The following USP9X variants were observed in gnomAD, a reference collection of about 807,000 sequenced individuals.
The protein encoded by USP9X is ubiquitin carboxyl-terminal hydrolase 9X.
Under a neutral mutation model 190.3 loss-of-function variants are expected in USP9X, and 7 were observed. The observed-to-expected ratio is 0.04, with a 90% CI of 0.02 to 0.07. USP9X has a LOEUF of 0.07. USP9X is among the 10% of genes least tolerant of loss of function. The pLI is 1.00. For missense variants in USP9X, 1,010 were observed against 1,916.9 expected (o/e 0.53, Z 8.83); for synonymous variants, 645 against 659.5 (o/e 0.98, Z 0.34).
At position 41,235,330 on chromosome X, in the gene USP9X, G is replaced by C. The variant is rs752938903; in HGVS notation, c.*2806G>C. 8.9e-6 allele frequency: 1 copy of C among 112,970 alleles called. No individual in the cohort carries two copies. The highest frequency in any genetic ancestry group is 1.9e-5 in the Non-Finnish European group (1 of 53,352). The allele number at this position is 112,970 out of a possible 1,213,427, so 9.3% of individuals were successfully genotyped here. On this transcript the variant is annotated 3_prime_UTR_variant, in exon 45 of 45. Coordinates refer to ENST00000378308, the MANE Select transcript of USP9X (RefSeq NM_001039591.3). ...AGAGCAACATAATGGTGATTTTGAG[G>C]TCTTTTTCTGAACACAAGTGGCACA...
chrX:41,175,275 CTT>C (rs1450367029), intron 21 of USP9X, among the ~76,000 whole-genome samples: 1 of 111,427 alleles, frequency 9.0e-6, no homozygotes, highest in Non-Finnish European at 1.9e-5. Flanking sequence ...AATCCTAACA[CTT>C]TGTGAGGGTG....
At chrX:41,223,898 ATAGTT>A (rs1056987269) in intron 39 of USP9X, among the ~76,000 whole-genome samples, 2 of 111,912 alleles carry the variant, frequency 1.8e-5, no homozygotes, top group Non-Finnish European at 3.8e-5. Flanking sequence ...TGTTTATGAA[ATAGTT>A]TAAGAATTAA....
Position 41,140,736 on chromosome X carries a change from A to C in USP9X, c.735A>C (p.Ser245=). The part of the protein sequence containing the change: ...QILHDRFING[S]ALNVQIIAAL... ...TGCATGATCGTTTTATTAATGGATC[A>C]GCATTAAACGTTCAAATAATTGCAG... Residue 245 remains serine, a synonymous_variant, in exon 7 of 45, where the codon TCA becomes TCC. Transcript: ENST00000378308. The C allele has an allele frequency of 1.7e-6, 2 of 1,203,218 alleles. No individual in the cohort carries two copies. The highest frequency in any genetic ancestry group is 3.7e-5 in the South Asian group (2 of 54,325).
Position 41,232,614 on chromosome X carries a change from G to GA in USP9X, c.*95dup. 5.6e-6 allele frequency: 6 copies of GA among 1,063,105 alleles called. No homozygotes were observed. Among genetic ancestry groups the GA allele is most frequent in the Non-Finnish European group, 7.5e-6 (6 of 796,891 alleles). 87.6% of individuals were successfully genotyped at this position (1,063,105 alleles called of 1,213,427 possible). ...TGTGTCTGGCTAATATTTAAAACTAGAAAAACTATTCCTAATCAACATGGA... is the reference window on the plus strand; with the variant it reads ...TGTGTCTGGCTAATATTTAAAACTAGAAAAAACTATTCCTAATCAACATGGA... On this transcript the variant is annotated 3_prime_UTR_variant, in exon 45 of 45. Transcript: ENST00000378308.
At chrX:41,120,008 A>AT (rs111414070) in intron 1 of USP9X, among the ~76,000 whole-genome samples, 19,602 of 107,907 alleles carry the variant, frequency 0.18, 1,377 homozygotes, top group Admixed American at 0.25. Flanking sequence ...AGACTTTTTC[A>AT]TTTTTTTTTT....
chrX:41,123,680 C>G lies in USP9X; in HGVS notation c.52C>G (p.Gln18Glu), dbSNP rs2062209732. The change falls in exon 2 of 45, where the codon CAG (glutamine) becomes GAG (glutamate). Residue 18 changes from glutamine to glutamate, a missense_variant. By Grantham distance (29) the Gln-to-Glu change is conservative (BLOSUM62 2). This residue lies in a region of USP9X where 176 missense variants were observed against 247.5 expected (regional missense o/e 0.71). Transcript: ENST00000378308. ...GGTCGGAGGGAATGACAACCAGGGC[C>G]AGGCTCCTGATGGACAGTCTCAGCC... is the stretch of plus-strand genomic sequence containing the variant. Reference protein sequence around the residue: ...SPVGGNDNQGQAPDGQSQPPL... With the variant: ...SPVGGNDNQGEAPDGQSQPPL... 1 of 1,211,980 alleles carries G rather than the reference C, an allele frequency of 8.3e-7. No homozygotes were observed.
intron 21 of USP9X, among the ~76,000 whole-genome samples, chrX:41,181,739 G>A (rs1216611639): frequency 9.1e-6 from 1 of 110,283 alleles, no homozygotes; most frequent in Non-Finnish European, 1.9e-5. Flanking sequence ...ATGAGCCACT[G>A]CGCCCGGCCC....
chrX:41,151,848 G>T (rs914828022), intron 13 of USP9X, among the ~76,000 whole-genome samples: 3 of 112,277 alleles, frequency 2.7e-5, no homozygotes, highest in African/African-American at 9.7e-5. Context: ...GGGCGTGGTG[G>T]CATGCGCCTG....
At chrX:41,229,510 G>C in intron 42 of USP9X, 57 bp from the exon 43 acceptor site, 1 of 1,173,560 alleles carries the variant, frequency 8.5e-7, no homozygotes, top group Admixed American at 2.6e-5. Context: ...GTCATTTTAA[G>C]TTAACTTTGA....
intron 11 of USP9X, 149 bp from the exon 12 acceptor site, chrX:41,148,220 C>G (rs755541660): frequency 1.8e-6 from 1 of 551,140 alleles, no homozygotes; most frequent in African/African-American, 2.4e-5. Flanking sequence ...AAAAAAAATA[C>G]CAGGCTAACT....
At chrX:41,197,281 C>A in intron 28 of USP9X, 83 bp from the exon 29 acceptor site, 1 of 670,319 alleles carries the variant, frequency 1.5e-6, no homozygotes, top group Non-Finnish European at 2.2e-6. Context: ...CTCGTTCTGG[C>A]TCCTCTCTCC....
At position 41,162,830 on chromosome X, in the gene USP9X, T is replaced by C; in HGVS notation, c.1938T>C (p.Ser646=). ...DYDPQTVRLG[S]RYSHVQEVQE... is the part of the protein sequence containing the mutation. ...ACCCACAAACTGTGAGGCTGGGAAG[T>C]AGATATAGTCATGTTCAAGAAGTTC... Residue 646 remains serine (S), a synonymous_variant, in exon 15 of 45, where the codon AGT becomes AGC. Coordinates refer to ENST00000378308, the MANE Select transcript of USP9X (RefSeq NM_001039591.3). The C allele has an allele frequency of 2.5e-6, 3 of 1,209,719 alleles. No individual in the cohort carries two copies. The highest frequency in any genetic ancestry group is 3.4e-6 in the Non-Finnish European group (3 of 894,524).
rs1269957453 is a variant in USP9X, at chrX:41,099,116, TTTTTTTA to T, written c.-159+13008_-159+13014del. 7.4e-4 allele frequency among the ~76,000 whole-genome samples: 66 copies of T among 89,338 alleles called. 3 individuals carry two copies. The highest frequency in any genetic ancestry group is 5.4e-3 in the East Asian group (15 of 2,793). 77.6% of individuals were successfully genotyped at this position (89,338 alleles called of 115,157 possible). ...TAATTGTTTTTTTTTTTTTTTTTTT[TTTTTTTA>T]AACAGAGATGGAGTCTCACTATGTT... On this transcript the variant is annotated intron_variant, in intron 1 of 44. Transcript: ENST00000378308.
intron 1 of USP9X, among the ~76,000 whole-genome samples, chrX:41,115,897 T>C (rs1343672304): frequency 2.7e-5 from 3 of 111,569 alleles, no homozygotes; most frequent in Non-Finnish European, 5.7e-5. Context: ...TTTAGCAGAG[T>C]TGGGATAATG....
At chrX:41,156,458 C>G (rs1210907515) in intron 14 of USP9X, among the ~76,000 whole-genome samples, 1 of 111,999 alleles carries the variant, frequency 8.9e-6, no homozygotes, top group African/African-American at 3.2e-5. Flanking sequence ...TCCAAGAAAA[C>G]TGAGACTCCC....
intron 1 of USP9X, among the ~76,000 whole-genome samples, chrX:41,116,523 A>T (rs2062148543): frequency 8.9e-6 from 1 of 112,036 alleles, no homozygotes; most frequent in Non-Finnish European, 1.9e-5. Context: ...CCACTTGAGT[A>T]TTGAATAGGA....
At chrX:41,154,167 A>G (rs1296575044) in intron 14 of USP9X, among the ~76,000 whole-genome samples, 2 of 111,631 alleles carry the variant, frequency 1.8e-5, no homozygotes, top group Non-Finnish European at 3.8e-5. Context: ...GAGCTAGACA[A>G]GCAATCTAAA....
chrX:41,164,120 C>T (rs2062658553), intron 15 of USP9X, among the ~76,000 whole-genome samples: 2 of 111,399 alleles, frequency 1.8e-5, no homozygotes, highest in Admixed American at 1.9e-4. Flanking sequence ...ATCTGCCCGC[C>T]TCGGTCCCCC....
chrX:41,218,911 T>A (rs1465142853), intron 37 of USP9X, among the ~76,000 whole-genome samples, 191 bp from the exon 38 acceptor site: 1 of 112,349 alleles, frequency 8.9e-6, no homozygotes, highest in Non-Finnish European at 1.9e-5. Flanking sequence ...AAATTACAAG[T>A]GTAAAAAATT....
Sources: gnomAD v4.1 joint callset for allele counts (sites outside exome capture counted in the v4.1 genomes callset) on GRCh38, gnomAD v4.1.1 for gene constraint, gnomAD v4.1.1 regional missense constraint, MANE v1.5 for transcripts, NCBI Gene and HGNC (gene_info 2026-07-23, HGNC 2026-07-21) for gene names.